Variants in ADGRL2 observed in about 807,000 individuals in gnomAD.
The protein encoded by ADGRL2 is adhesion G protein-coupled receptor L2, also known as calcium-independent alpha-latrotoxin receptor 2.
Under a neutral mutation model 157.4 loss-of-function variants are expected in ADGRL2, and 44 were observed. That is an observed-to-expected ratio of 0.28 (90% confidence interval 0.22 to 0.36). The LOEUF is 0.36. Among genes scored for constraint, ADGRL2 ranks in the 10% least tolerant of loss-of-function variants. The pLI, the probability that ADGRL2 is intolerant of heterozygous loss-of-function variation, is 1.00. For synonymous variants in ADGRL2, 585 were observed against 624.7 expected (o/e 0.94, Z 0.95); for missense variants, 1,510 against 1,768.9 (o/e 0.85, Z 2.63).
chr1:81,638,362 G>A (rs1470107455), intron 3 of ADGRL2, among the ~76,000 whole-genome samples: 2 of 152,122 alleles, frequency 1.3e-5, no homozygotes, highest in African/African-American at 4.8e-5. Context: ...GAAGCAATAA[G>A]TGAAAGTAAA....
At chr1:81,606,752 G>A (rs1293378393) in intron 3 of ADGRL2, among the ~76,000 whole-genome samples, 1 of 58,962 alleles carries the variant, frequency 1.7e-5, no homozygotes, top group African/African-American at 6.0e-5. Flanking sequence ...CAACGTGTGT[G>A]TGTGTGTGTG....
intron 2 of ADGRL2, among the ~76,000 whole-genome samples, chr1:81,552,764 T>G (rs2148396764): frequency 6.6e-6 from 1 of 152,304 alleles, no homozygotes; most frequent in Admixed American, 6.5e-5. Context: ...TTAATTTCTC[T>G]AATAATCTCA....
chr1:81,360,145 T>C (rs2075952765), intron 1 of ADGRL2, among the ~76,000 whole-genome samples: 2 of 152,022 alleles, frequency 1.3e-5, no homozygotes, highest in Admixed American at 6.5e-5. Flanking sequence ...CTTCATTTCA[T>C]GGTATTGGAA....
chr1:81,763,470 T>C (rs1481692896), intron 2 of ADGRL2, among the ~76,000 whole-genome samples: 2 of 150,752 alleles, frequency 1.3e-5, no homozygotes, highest in Non-Finnish European at 2.9e-5. Context: ...GTCCCTATAA[T>C]CCCAGCTACT....
chr1:81,426,448 G>A (rs980617147), intron 1 of ADGRL2: 32 of 381,776 alleles, frequency 8.4e-5, no homozygotes, highest in South Asian at 4.0e-5. Flanking sequence ...AGGTGAGTCC[G>A]GTCTCAAAAT....
At chr1:81,348,557 T>C (rs1662649176) in intron 1 of ADGRL2, among the ~76,000 whole-genome samples, 1 of 151,948 alleles carries the variant, frequency 6.6e-6, no homozygotes, top group Non-Finnish European at 1.5e-5. Context: ...TAAACATGAA[T>C]TGAGATGAAA....
intron 2 of ADGRL2, among the ~76,000 whole-genome samples, chr1:81,476,894 G>A (rs138793282): frequency 2.6e-4 from 40 of 152,114 alleles, no homozygotes; most frequent in African/African-American, 9.2e-4. Flanking sequence ...AACATCCATC[G>A]ATTAAACTGT....
In ADGRL2 at chr1:81,507,312, G is replaced by A. The variant is rs145003149; in HGVS notation, c.-248+62223G>A. On this transcript the variant is annotated intron_variant, in intron 2 of 24. Coordinates refer to the ADGRL2 transcript ENST00000370721. ...GAAGGAGACTTAATATTGATAGAAAGTTCTACAAGGCGGCACTAGCATTAA... is the reference window on the plus strand; with the variant it reads ...GAAGGAGACTTAATATTGATAGAAAATTCTACAAGGCGGCACTAGCATTAA... 3.5e-4 allele frequency among the ~76,000 whole-genome samples: 53 copies of A among 152,174 alleles called. No individual in the cohort carries two copies. In the East Asian group the frequency reaches 9.7e-3, roughly 28 times the overall value.
exon 1 of ADGRL2, chr1:81,306,464 C>CT (rs924060678): frequency 1.3e-3 from 195 of 146,550 alleles, no homozygotes; most frequent in South Asian, 3.9e-3. Flanking sequence ...TTACTTACAA[C>CT]TTTTTTTTTT....
chr1:81,560,987 C>T lies in ADGRL2; in HGVS notation c.-247-19889C>T, dbSNP rs193240943. Among the ~76,000 whole-genome samples the T allele has an allele frequency of 2.0e-5, 3 of 152,196 alleles. No individual in the cohort carries two copies. The East Asian group carries it at 5.8e-4, about 29-fold the overall frequency. On this transcript the variant is annotated intron_variant, in intron 2 of 24. Transcript: ENST00000370721. ...GATTTCAGTGAAGCTATTCTTTCTG[C>T]CTCAAATATTTTTCCTCCAGATGTT...
chr1:81,725,776 T>C (rs1195701149), intron 1 of ADGRL2, among the ~76,000 whole-genome samples: 1 of 152,186 alleles, frequency 6.6e-6, no homozygotes, highest in South Asian at 2.1e-4. Context: ...CTTTTAGATT[T>C]TTAAATTCCA....
At chr1:81,460,499 G>A (rs1159488171) in intron 2 of ADGRL2, among the ~76,000 whole-genome samples, 1 of 151,992 alleles carries the variant, frequency 6.6e-6, no homozygotes, top group African/African-American at 2.4e-5. Context: ...TTAAAGGGAT[G>A]GTTATCCCTA....
intron 2 of ADGRL2, among the ~76,000 whole-genome samples, chr1:81,576,979 C>T (rs1343249991): frequency 6.6e-6 from 1 of 152,144 alleles, no homozygotes; most frequent in Non-Finnish European, 1.5e-5. Context: ...GCATGGTTAT[C>T]ATTTTTCTAT....
chr1:81,576,133 C>T (rs2080793813), intron 2 of ADGRL2, among the ~76,000 whole-genome samples: 1 of 152,110 alleles, frequency 6.6e-6, no homozygotes, highest in South Asian at 2.1e-4. Flanking sequence ...AAGACAGGTG[C>T]ACCCTACACA....
chr1:81,538,715 A>G (rs557740624), intron 2 of ADGRL2, among the ~76,000 whole-genome samples: 118 of 152,232 alleles, frequency 7.8e-4, no homozygotes, highest in African/African-American at 2.4e-3. Flanking sequence ...GAATAAGACT[A>G]CATAAAGGGC....
At chr1:81,370,974 G>A (rs760949685) in intron 1 of ADGRL2, among the ~76,000 whole-genome samples, 20 of 152,084 alleles carry the variant, frequency 1.3e-4, no homozygotes, top group South Asian at 2.1e-4. Context: ...CTAGTCTAGC[G>A]TTTAATGGGA....
chr1:81,954,773 TG>T (rs1234193343), intron 10 of ADGRL2, among the ~76,000 whole-genome samples: 1 of 152,226 alleles, frequency 6.6e-6, no homozygotes, highest in South Asian at 2.1e-4. Context: ...GATATTAAGA[TG>T]GATTAAGCTA....
chr1:81,968,755 C>T (rs1193506949), intron 14 of ADGRL2, among the ~76,000 whole-genome samples: 1 of 152,120 alleles, frequency 6.6e-6, no homozygotes, highest in African/African-American at 2.4e-5. Context: ...AATATGTAAG[C>T]ATACAAAACC....
intron 3 of ADGRL2, among the ~76,000 whole-genome samples, chr1:81,643,795 A>G (rs911471028): frequency 3.9e-5 from 6 of 152,202 alleles, no homozygotes; most frequent in Admixed American, 3.9e-4. Flanking sequence ...GGATAAGAAG[A>G]CTCAATATTG....
Sources: allele counts gnomAD v4.1 joint callset (sites outside exome capture counted in the v4.1 genomes callset), GRCh38; gene constraint gnomAD v4.1.1; transcripts MANE v1.5; gene names NCBI Gene and HGNC (gene_info 2026-07-23, HGNC 2026-07-21).